GART: variants seen among roughly 807,000 people sequenced by gnomAD.
The protein encoded by GART is phosphoribosylglycinamide formyltransferase, phosphoribosylglycinamide synthetase, phosphoribosylaminoimidazole synthetase.
Under a neutral mutation model 107.2 loss-of-function variants are expected in GART, and 43 were observed. That is an observed-to-expected ratio of 0.40 (90% confidence interval 0.31 to 0.52). GART has a LOEUF of 0.52. GART is among the 20% of genes least tolerant of loss of function. GART has a pLI of 0.52. For missense variants in GART, 1,107 were observed against 1,206.5 expected (o/e 0.92, Z 1.22); for synonymous variants, 434 against 427.0 (o/e 1.02, Z -0.20).
intron 1 of GART, among the ~76,000 whole-genome samples, chr21:33,541,238 GGGTTCAAGC>G (rs1440280779): frequency 6.6e-6 from 1 of 152,120 alleles, no homozygotes; most frequent in Non-Finnish European, 1.5e-5. Context: ...TCCGCCTCCC[GGGTTCAAGC>G]GATTCTCTTG....
rs1452470361 is a variant in GART, at chr21:33,517,022, T to C, written c.2074A>G (p.Arg692Gly). The C allele has an allele frequency of 1.2e-6, 2 of 1,612,710 alleles. No homozygotes were observed. The highest frequency in any genetic ancestry group is 3.4e-5 in the Admixed American group (2 of 59,548). ...TGGGLLENIP[R>G]VLPEKLGVDL... ...ACCCCAAGTTTCTCAGGGAGGACTCTGGGGATGTTCTCTAGTAATCCTCCA... is the reference window on the plus strand; with the variant it reads ...ACCCCAAGTTTCTCAGGGAGGACTCCGGGGATGTTCTCTAGTAATCCTCCA... The change falls in exon 16 of 22, where the codon AGA becomes GGA. Residue 692 changes from arginine to glycine, a missense_variant. Physicochemically the swap from Arg to Gly is moderately radical, Grantham distance 125 (BLOSUM62 -2). Transcript: ENST00000381815.
At position 33,528,618 on chromosome 21, in the gene GART, GAAAA is replaced by G. The variant is rs397806524; in HGVS notation, c.812-18_812-15del. 6.7e-6 allele frequency: 7 copies of G among 1,052,220 alleles called. No individual in the cohort carries two copies. Among genetic ancestry groups the G allele is most frequent in the Admixed American group, 2.9e-5 (1 of 34,774 alleles). The allele number at this position is 1,052,220 out of a possible 1,614,324, so 65.2% of individuals were successfully genotyped here. On this transcript the variant is annotated splice_polypyrimidine_tract_variant and intron_variant, in intron 8 of 21. Transcript: ENST00000381815. ...CATAGAGAATACCTTCATTAAAAAA[GAAAA>G]AAAAAAAAAAGAGAGAAAGAAAATC...
At chr21:33,535,124 A>G in intron 3 of GART, 101 bp downstream of exon 3, 1 of 762,614 alleles carries the variant, frequency 1.3e-6, no homozygotes, top group Non-Finnish European at 2.0e-6. Context: ...TTTCCAAGAT[A>G]ATATTACAAA....
intron 18 of GART, chr21:33,509,490 C>G: frequency 3.9e-6 from 1 of 257,166 alleles, no homozygotes; most frequent in Non-Finnish European, 7.3e-6. Context: ...AATTCCTCAA[C>G]TGTTTTCAGA....
chr21:33,534,531 A>G lies in GART; in HGVS notation c.416+48T>C, dbSNP rs1601225909. 6.9e-6 allele frequency: 11 copies of G among 1,603,866 alleles called. No homozygotes were observed. In the East Asian group the frequency reaches 2.5e-4, roughly 36 times the overall value. On this transcript the variant is annotated intron_variant, in intron 4 of 21. Transcript: ENST00000381815. ...TGCCTGGCCACTGACCTGTGTATTT[A>G]AATATCAAAACTAAACAACTGTCCT...
intron 10 of GART, among the ~76,000 whole-genome samples, chr21:33,527,912 T>C (rs1163731509): frequency 6.6e-6 from 1 of 152,202 alleles, no homozygotes; most frequent in African/African-American, 2.4e-5. Context: ...AAGGCTGCAC[T>C]GGGTGACACT....
chr21:33,528,107 T>A, intron 10 of GART, 60 bp downstream of exon 10: 1 of 1,494,994 alleles, frequency 6.7e-7, no homozygotes, highest in African/African-American at 1.4e-5. Context: ...GAGAGGGGGG[T>A]CTGCTGTGGT....
rs2085128183 is a variant in GART at position 33,528,920 on chromosome 21, T to C, written c.741A>G (p.Leu247=). The C allele has an allele frequency of 1.2e-6, 2 of 1,611,692 alleles. No individual in the cohort carries two copies. Among genetic ancestry groups the C allele is most frequent in the Non-Finnish European group, 1.7e-6 (2 of 1,177,834 alleles). ...CPAPQVSNDL[L]LKIKDTVLQR... ...GAAGAACAGTATCTTTAATTTTTAG[T>C]AATAGATCATTAGAAACCTGGAGAA... is the stretch of plus-strand genomic sequence containing the variant. Residue 247 remains leucine, a synonymous_variant, in exon 8 of 22, where the codon TTA becomes TTG. Coordinates refer to ENST00000381815, the MANE Select transcript of GART (RefSeq NM_000819.5).
chr21:33,536,934 G>C (rs1344296808), intron 2 of GART, among the ~76,000 whole-genome samples: 3 of 152,206 alleles, frequency 2.0e-5, no homozygotes, highest in South Asian at 2.1e-4. Context: ...TGAAACTGTG[G>C]AAAGTAAAAT....
chr21:33,532,369 G>A lies in GART; in HGVS notation c.504C>T (p.Cys168=), dbSNP rs1287579409. 1 of 1,613,860 alleles carries A rather than the reference G, an allele frequency of 6.2e-7. No homozygotes were observed. The highest frequency in any genetic ancestry group is 1.7e-5 in the Admixed American group (1 of 60,028). ...CCTGCATGATCTCTTGTACAGCTTT[G>A]CAGGCCTCTTCTTTGCTCTTTGCAA... ...VIVAKSKEEA[C]KAVQEIMQEK... The change falls in exon 5 of 22, where the codon TGC becomes TGT. Residue 168 remains cysteine (C), a synonymous_variant. Coordinates refer to ENST00000381815, the MANE Select transcript of GART (RefSeq NM_000819.5).
At chr21:33,512,592 A>T (rs545122835) in intron 16 of GART, among the ~76,000 whole-genome samples, 75 of 150,320 alleles carry the variant, frequency 5.0e-4, no homozygotes, top group Non-Finnish European at 9.6e-4. Context: ...TTATTGGATA[A>T]TTTTTTTTTT....
chr21:33,509,911 C>A lies in GART; in HGVS notation c.2324G>T (p.Arg775Leu), dbSNP rs148170440. Residue 775 changes from arginine to leucine, a missense_variant, in exon 18 of 22, where the codon CGT becomes CTT. Coordinates refer to ENST00000381815, the MANE Select transcript of GART (RefSeq NM_000819.5). ...TTCAATCAGATTCTTGACTTTCACA[C>A]GTGGGGAACCTTCATTTCAAACATA... ...SVVARAEGSPRVKVKNLIESM... is the reference protein window; with the variant it reads ...SVVARAEGSPLVKVKNLIESM... 6.2e-7 allele frequency: 1 copy of A among 1,610,206 alleles called. No individual in the cohort carries two copies. Among genetic ancestry groups the A allele is most frequent in the Non-Finnish European group, 8.5e-7 (1 of 1,178,530 alleles).
At chr21:33,513,105 CTG>C (rs3057407) in intron 16 of GART, among the ~76,000 whole-genome samples, 9,855 of 144,414 alleles carry the variant, frequency 0.068, 449 homozygotes, top group Admixed American at 0.093. Context: ...GTGTGTGTCT[CTG>C]TGTGTGTGTG....
At chr21:33,542,393 C>T (rs2085463616), upstream of GART, 1 of 152,374 alleles carries the variant, frequency 6.6e-6, no homozygotes, top group Non-Finnish European at 1.5e-5. Flanking sequence ...CAATTGTGCG[C>T]CGCTCACGAG....
chr21:33,521,553 A>ACC (rs1182496787), intron 12 of GART, among the ~76,000 whole-genome samples: 1 of 150,344 alleles, frequency 6.7e-6, no homozygotes, highest in African/African-American at 2.4e-5. Flanking sequence ...AATGGCGTGA[A>ACC]TGCAGGAGGC....
chr21:33,540,198 T>C (rs1256871216), intron 1 of GART, among the ~76,000 whole-genome samples: 2 of 152,142 alleles, frequency 1.3e-5, no homozygotes, highest in African/African-American at 4.8e-5. Flanking sequence ...AATGTGCCAA[T>C]GTCCAGAAAA....
chr21:33,515,175 T>C (rs886851617), intron 16 of GART, among the ~76,000 whole-genome samples: 4 of 152,220 alleles, frequency 2.6e-5, no homozygotes, highest in African/African-American at 4.8e-5. Flanking sequence ...CTGTTTGACC[T>C]TGACTGCTTT....
At chr21:33,508,287 C>G (rs2084719309) in intron 18 of GART, among the ~76,000 whole-genome samples, 1 of 151,916 alleles carries the variant, frequency 6.6e-6, no homozygotes, top group South Asian at 2.1e-4. Flanking sequence ...CTGACCCTCT[C>G]AAGAACAAAC....
chr21:33,521,404 G>A (rs1397204903), intron 12 of GART, among the ~76,000 whole-genome samples: 2 of 151,988 alleles, frequency 1.3e-5, no homozygotes, highest in African/African-American at 2.4e-5. Context: ...GGCCGAGGCG[G>A]GTGGATCACA....
Sources: allele counts gnomAD v4.1 joint callset (sites outside exome capture counted in the v4.1 genomes callset), GRCh38; gene constraint gnomAD v4.1.1; transcripts MANE v1.5; gene names NCBI Gene and HGNC (gene_info 2026-07-23, HGNC 2026-07-21).